The following PLD5 variants were observed in gnomAD, a reference collection of about 807,000 sequenced individuals.
The protein encoded by PLD5 is inactive phospholipase D5.
PLD5 carries 36 observed loss-of-function variants against 61.1 expected under a neutral mutation model. The ratio of observed to expected loss-of-function variants is 0.59; its 90% confidence interval spans 0.45 to 0.78. PLD5 has a LOEUF of 0.78. Ranked by LOEUF, PLD5 falls within the 30% of genes least tolerant of loss-of-function variation. The pLI is 0.00. For missense variants in PLD5, 515 were observed against 644.4 expected (o/e 0.80, Z 2.17); for synonymous variants, 243 against 242.8 (o/e 1.00, Z -0.01).
intron 5 of PLD5, among the ~76,000 whole-genome samples, chr1:242,151,200 C>T (rs1021970865): frequency 6.6e-6 from 1 of 151,852 alleles, no homozygotes; most frequent in African/African-American, 2.4e-5. Context: ...TCTTTTATAA[C>T]AATTAAAATA....
intron 4 of PLD5, among the ~76,000 whole-genome samples, chr1:242,230,194 A>G (rs1671211970): frequency 6.6e-6 from 1 of 152,186 alleles, no homozygotes; most frequent in Non-Finnish European, 1.5e-5. Flanking sequence ...GCCTAATCCC[A>G]TATGTCTACC....
At chr1:242,132,206 G>GGGGGC (rs1553305634) in intron 5 of PLD5, among the ~76,000 whole-genome samples, 1 of 87,078 alleles carries the variant, frequency 1.1e-5, no homozygotes, top group East Asian at 3.5e-4. Context: ...GGGGGGGGGG[G>GGGGGC]GCGGAATCAT....
intron 4 of PLD5, among the ~76,000 whole-genome samples, chr1:242,255,168 A>G (rs1672943728): frequency 6.6e-6 from 1 of 152,022 alleles, no homozygotes; most frequent in Non-Finnish European, 1.5e-5. Context: ...CATGATAACC[A>G]TGAGGACTGT....
At chr1:242,165,210 G>A (rs572011777) in intron 5 of PLD5, among the ~76,000 whole-genome samples, 1 of 151,988 alleles carries the variant, frequency 6.6e-6, no homozygotes, top group South Asian at 2.1e-4. Context: ...AAGTGATCAA[G>A]GTTTGAACTG....
chr1:242,106,707 A>C (rs1243341770), intron 8 of PLD5, among the ~76,000 whole-genome samples: 1 of 152,174 alleles, frequency 6.6e-6, no homozygotes, highest in Non-Finnish European at 1.5e-5. Context: ...GTCAAAGTTA[A>C]TTGCGGAGCC....
intron 1 of PLD5, among the ~76,000 whole-genome samples, chr1:242,427,276 T>C (rs1290105760): frequency 1.3e-5 from 2 of 152,240 alleles, no homozygotes; most frequent in African/African-American, 4.8e-5. Context: ...AGAAAGTTTC[T>C]AGAGTAACTC....
At chr1:242,431,589 A>T (rs1464031899) in intron 1 of PLD5, among the ~76,000 whole-genome samples, 1 of 152,202 alleles carries the variant, frequency 6.6e-6, no homozygotes, top group Non-Finnish European at 1.5e-5. Context: ...ATCTTCTTTT[A>T]ACTACTTTAA....
At chr1:242,251,605 C>T (rs574591217) in intron 4 of PLD5, among the ~76,000 whole-genome samples, 5 of 151,946 alleles carry the variant, frequency 3.3e-5, no homozygotes, top group Admixed American at 6.6e-5. Flanking sequence ...ACCAGTGGTG[C>T]ATAAACCTGA....
intron 5 of PLD5, among the ~76,000 whole-genome samples, chr1:242,208,563 T>C (rs1669590250): frequency 6.6e-6 from 1 of 152,192 alleles, no homozygotes; most frequent in African/African-American, 2.4e-5. Context: ...TTCTCTGATA[T>C]AATTTCTAGT....
intron 1 of PLD5, among the ~76,000 whole-genome samples, chr1:242,358,077 C>T (rs1660857173): frequency 6.6e-6 from 1 of 152,006 alleles, no homozygotes; most frequent in South Asian, 2.1e-4. Context: ...TCTAGGATTT[C>T]TATTTGGGTA....
intron 5 of PLD5, among the ~76,000 whole-genome samples, chr1:242,211,530 A>G (rs752932117): frequency 6.6e-6 from 1 of 152,178 alleles, no homozygotes; most frequent in Non-Finnish European, 1.5e-5. Flanking sequence ...AAATACAAGC[A>G]TTGCCAGCTT....
At chr1:242,517,590 T>A (rs990614566) in intron 1 of PLD5, among the ~76,000 whole-genome samples, 1 of 152,216 alleles carries the variant, frequency 6.6e-6, no homozygotes, top group South Asian at 2.1e-4. Flanking sequence ...TTATTTTTTT[T>A]AAGTATACTT....
intron 1 of PLD5, among the ~76,000 whole-genome samples, chr1:242,440,882 C>T (rs1030229439): frequency 1.3e-5 from 2 of 152,202 alleles, no homozygotes; most frequent in African/African-American, 4.8e-5. Flanking sequence ...TCATTCACCC[C>T]CTTGACACTG....
At chr1:242,509,949 C>A (rs1304327535) in intron 1 of PLD5, among the ~76,000 whole-genome samples, 1 of 152,140 alleles carries the variant, frequency 6.6e-6, no homozygotes, top group Non-Finnish European at 1.5e-5. Context: ...ACTCCTGAAA[C>A]GCCCCACCCA....
At chr1:242,396,384 A>G (rs901908543) in intron 1 of PLD5, among the ~76,000 whole-genome samples, 5 of 152,158 alleles carry the variant, frequency 3.3e-5, no homozygotes, top group African/African-American at 4.8e-5. Flanking sequence ...TAATGTTTAT[A>G]AAAGAAATGC....
chr1:242,459,733 T>C (rs189400753), intron 1 of PLD5, among the ~76,000 whole-genome samples: 5 of 152,244 alleles, frequency 3.3e-5, no homozygotes, highest in African/African-American at 1.2e-4. Flanking sequence ...AGAGAGCCTA[T>C]GAGTGGAAGT....
At chr1:242,100,342 G>A (rs1336550034) in intron 9 of PLD5, among the ~76,000 whole-genome samples, 5 of 152,148 alleles carry the variant, frequency 3.3e-5, no homozygotes, top group Non-Finnish European at 7.3e-5. Context: ...GGATGACACT[G>A]CTCTTTCCTG....
intron 5 of PLD5, among the ~76,000 whole-genome samples, chr1:242,145,026 ATG>A (rs1313084555): frequency 6.6e-6 from 1 of 152,186 alleles, no homozygotes; most frequent in Non-Finnish European, 1.5e-5. Flanking sequence ...CAGAACAACT[ATG>A]TTAGGTAGAT....
chr1:242,463,264 G>T (rs1015362600), intron 1 of PLD5, among the ~76,000 whole-genome samples: 4 of 152,148 alleles, frequency 2.6e-5, no homozygotes, highest in Non-Finnish European at 4.4e-5. Flanking sequence ...AGTCAGTAGA[G>T]ACACTCGCTT....
Sources: gnomAD v4.1 joint callset for allele counts (sites outside exome capture counted in the v4.1 genomes callset) on GRCh38, gnomAD v4.1.1 for gene constraint, MANE v1.5 for transcripts, NCBI Gene and HGNC (gene_info 2026-07-23, HGNC 2026-07-21) for gene names.